Variants in TBCD observed in about 807,000 individuals in gnomAD.
TBCD encodes the protein tubulin folding cofactor D, also known as tubulin-specific chaperone D.
Under a neutral mutation model 169.3 loss-of-function variants are expected in TBCD, and 105 were observed. The observed-to-expected ratio is 0.62, with a 90% CI of 0.53 to 0.73. The LOEUF is 0.73. TBCD is among the 30% of genes least tolerant of loss of function. The probability of loss-of-function intolerance (pLI) is 0.00; values close to 1 mark genes in which losing one functional copy is unlikely to be tolerated. For synonymous variants in TBCD, 700 were observed against 643.9 expected, an observed-to-expected ratio of 1.09 and a Z score of -1.32; for missense variants, 1,444 against 1,600.1, an observed-to-expected ratio of 0.90 and a Z score of 1.66.
chr17:82,873,751 G>A (rs1412050437), intron 14 of TBCD, among the ~76,000 whole-genome samples: 1 of 152,182 alleles, frequency 6.6e-6, no homozygotes, highest in East Asian at 1.9e-4. Context: ...CCGGTCGGTA[G>A]GTCCTGGTGC....
intron 24 of TBCD, 157 bp from the exon 25 acceptor site, chr17:82,921,344 C>T: frequency 1.5e-6 from 1 of 663,966 alleles, no homozygotes; most frequent in Non-Finnish European, 2.8e-6. Context: ...TTAGACTTAA[C>T]ACAACGTGGA....
chr17:82,929,870 C>T (rs965718882), intron 32 of TBCD: 11 of 398,428 alleles, frequency 2.8e-5, no homozygotes, highest in South Asian at 2.5e-4. Context: ...TTTCAGGGCT[C>T]CAGGCCCAGC....
At position 82,766,403 on chromosome 17, in the gene TBCD, CTCCGTGCCTG is replaced by C. The variant is rs545304625; in HGVS notation, c.435+39_435+48del. 533 of 1,537,310 alleles carry C rather than the reference CTCCGTGCCTG, an allele frequency of 3.5e-4. 3 individuals are homozygous for C. In the African/African-American group the frequency reaches 6.7e-3, roughly 19 times the overall value. ...TCTGCCTCCCCCCTCGTCTCCAGCCCTCCGTGCCTGTCCTTCCTCCCTGCTTGCCCCACCC... is the reference window on the plus strand; with the variant it reads ...TCTGCCTCCCCCCTCGTCTCCAGCCCTCCTTCCTCCCTGCTTGCCCCACCC... On this transcript the variant is annotated intron_variant, in intron 4 of 38. Transcript: ENST00000355528.
rs929079179 is a variant in TBCD at position 82,929,401 on chromosome 17, G to C, written c.2892G>C (p.Gln964His). The C allele has an allele frequency of 6.2e-7, 1 of 1,613,058 alleles. No individual in the cohort carries two copies. The highest frequency in any genetic ancestry group is 8.5e-7 in the Non-Finnish European group (1 of 1,179,822). ...VASVNWSAPS[Q>H]AFPRITQLLG... ...CCGTGAACTGGAGTGCACCTTCCCA[G>C]GCCTTCCCACGCATCACCCAGCTCC... The change falls in exon 32 of 39, where the codon CAG (glutamine) becomes CAC (histidine). Residue 964 changes from glutamine to histidine, a missense_variant. Transcript: ENST00000355528.
intron 17 of TBCD, among the ~76,000 whole-genome samples, chr17:82,898,040 A>G (rs1284812189): frequency 7.1e-6 from 1 of 140,346 alleles, no homozygotes; most frequent in Non-Finnish European, 1.5e-5. Context: ...AGCACACGGC[A>G]TGGCTCTGGG....
At chr17:82,807,744 C>A in intron 11 of TBCD, 76 bp downstream of exon 11, 1 of 1,225,444 alleles carries the variant, frequency 8.2e-7, no homozygotes, top group Non-Finnish European at 1.1e-6. Context: ...CTACAAATAC[C>A]CAACAGCTTT....
Position 82,811,228 on chromosome 17 carries a change from C to T in TBCD, c.1223+1446C>T, listed in dbSNP as rs190236701. On this transcript the variant is annotated intron_variant, in intron 12 of 38. Coordinates refer to ENST00000355528, the MANE Select transcript of TBCD (RefSeq NM_005993.5). ...CACAACAGTGTGGTGGGCTCCAGGC[C>T]GGGCCTGCCTGTGCCTGTCTGGACT... Among the ~76,000 whole-genome samples the T allele has an allele frequency of 8.9e-4, 135 of 152,290 alleles. 1 individual carries two copies. The highest frequency in any genetic ancestry group is 3.1e-3 in the African/African-American group (127 of 41,558).
chr17:82,927,535 G>A (rs2061855445), intron 29 of TBCD, among the ~76,000 whole-genome samples: 1 of 152,220 alleles, frequency 6.6e-6, no homozygotes, highest in Non-Finnish European at 1.5e-5. Context: ...CCGTCCTCAG[G>A]TGTTGGGCCT....
chr17:82,772,656 A>C (rs1017728449), intron 6 of TBCD, 149 bp downstream of exon 6: 7 of 857,654 alleles, frequency 8.2e-6, no homozygotes, highest in Admixed American at 5.5e-5. Flanking sequence ...GGGAGTGTGC[A>C]GCAGTGTTTG....
chr17:82,879,279 G>A (rs1334152393), intron 14 of TBCD, among the ~76,000 whole-genome samples: 3 of 151,742 alleles, frequency 2.0e-5, no homozygotes, highest in East Asian at 1.9e-4. Context: ...CTGAGTGTGT[G>A]CCCCTCTTCA....
At chr17:82,857,242 G>A (rs1444264216) in intron 13 of TBCD, among the ~76,000 whole-genome samples, 2 of 152,182 alleles carry the variant, frequency 1.3e-5, no homozygotes, top group Non-Finnish European at 2.9e-5. Context: ...TGTGCTCCTT[G>A]GTTGTTTGTG....
chr17:82,849,714 G>A (rs113567510), intron 13 of TBCD, among the ~76,000 whole-genome samples: 6,466 of 152,300 alleles, frequency 0.042, 268 homozygotes, highest in African/African-American at 0.11. Context: ...GGTGCCACAC[G>A]GGTCCCTCTC....
chr17:82,846,206 C>CCCTGT (rs2055028999), intron 13 of TBCD, among the ~76,000 whole-genome samples: 1 of 151,956 alleles, frequency 6.6e-6, no homozygotes, highest in Admixed American at 6.6e-5. Context: ...GTGCTGCGTC[C>CCCTGT]GGCATGCCAC....
chr17:82,900,155 C>T (rs1567991253), intron 17 of TBCD, among the ~76,000 whole-genome samples: 1 of 152,218 alleles, frequency 6.6e-6, no homozygotes, highest in Non-Finnish European at 1.5e-5. Context: ...CAGCCATCAC[C>T]CTGGAGCCCC....
intron 13 of TBCD, among the ~76,000 whole-genome samples, chr17:82,853,799 T>G (rs957637765): frequency 2.0e-5 from 3 of 152,214 alleles, no homozygotes; most frequent in African/African-American, 7.2e-5. Context: ...TGAGTAAAAA[T>G]CTACCGTATG....
chr17:82,779,985 C>T (rs1237847373), intron 6 of TBCD, among the ~76,000 whole-genome samples: 2 of 152,192 alleles, frequency 1.3e-5, no homozygotes, highest in East Asian at 3.9e-4. Context: ...GGCATCACTG[C>T]CGTCTCCTTC....
chr17:82,753,345 G>A (rs908285610), intron 1 of TBCD, among the ~76,000 whole-genome samples: 1 of 151,856 alleles, frequency 6.6e-6, no homozygotes, highest in Non-Finnish European at 1.5e-5. Flanking sequence ...GGCGGATAAC[G>A]ATGCCTCTCG....
At chr17:82,844,675 T>C (rs1427164823) in intron 13 of TBCD, among the ~76,000 whole-genome samples, 1 of 152,070 alleles carries the variant, frequency 6.6e-6, no homozygotes, top group Non-Finnish European at 1.5e-5. Context: ...GTAGCTTATT[T>C]CTTGAAAAAA....
intron 2 of TBCD, among the ~76,000 whole-genome samples, chr17:82,760,623 T>C (rs1033355288): frequency 1.3e-5 from 2 of 152,270 alleles, no homozygotes; most frequent in Non-Finnish European, 2.9e-5. Flanking sequence ...AACATACATT[T>C]CTTAACATCT....
Sources: gnomAD v4.1 joint callset for allele counts (sites outside exome capture counted in the v4.1 genomes callset) on GRCh38, gnomAD v4.1.1 for gene constraint, MANE v1.5 for transcripts, NCBI Gene and HGNC (gene_info 2026-07-23, HGNC 2026-07-21) for gene names.